The following ZNF804B variants were observed in gnomAD, a reference collection of about 807,000 sequenced individuals.
ZNF804B encodes zinc finger 804B.
Under a neutral mutation model 101.4 loss-of-function variants are expected in ZNF804B, and 80 were observed. That is an observed-to-expected ratio of 0.79 (90% CI 0.66 to 0.95). The LOEUF (loss-of-function observed/expected upper bound fraction) is 0.95. Ranked by LOEUF, ZNF804B falls within the 40% of genes least tolerant of loss-of-function variation. The probability of loss-of-function intolerance (pLI) is 0.00; values close to 1 mark genes in which losing one functional copy is unlikely to be tolerated. For synonymous variants in ZNF804B, 622 were observed against 558.8 expected, an observed-to-expected ratio of 1.11 and a Z score of -1.59; for missense variants, 1,673 against 1,561.9, an observed-to-expected ratio of 1.07 and a Z score of -1.20.
At chr7:89,134,031 TTG>T (rs776184756) in intron 1 of ZNF804B, among the ~76,000 whole-genome samples, 5 of 152,060 alleles carry the variant, frequency 3.3e-5, no homozygotes, top group African/African-American at 4.8e-5. Context: ...ACAGAGAGGA[TTG>T]TTTCAGTGAA....
chr7:89,165,067 C>T (rs555823038), intron 1 of ZNF804B, among the ~76,000 whole-genome samples: 31 of 152,010 alleles, frequency 2.0e-4, no homozygotes, highest in Non-Finnish European at 1.3e-4. Flanking sequence ...AAGGCTGTTG[C>T]GTAGAACTTT....
At chr7:89,154,725 G>T (rs537521841) in intron 1 of ZNF804B, among the ~76,000 whole-genome samples, 2 of 152,158 alleles carry the variant, frequency 1.3e-5, no homozygotes, top group Non-Finnish European at 1.5e-5. Flanking sequence ...GAGAGTAATG[G>T]GGGGCTGGGA....
chr7:89,269,029 T>C (rs1303748915), intron 2 of ZNF804B, among the ~76,000 whole-genome samples: 1 of 152,064 alleles, frequency 6.6e-6, no homozygotes, highest in East Asian at 1.9e-4. Context: ...TATTTTTTGG[T>C]AATAGAAAAA....
chr7:89,126,298 A>C (rs989427682), intron 1 of ZNF804B, among the ~76,000 whole-genome samples: 4 of 151,974 alleles, frequency 2.6e-5, no homozygotes, highest in Admixed American at 2.0e-4. Flanking sequence ...GGTATTTCTC[A>C]AATCTCTCTT....
intron 1 of ZNF804B, among the ~76,000 whole-genome samples, chr7:89,075,226 G>A (rs778580596): frequency 3.3e-5 from 5 of 152,194 alleles, no homozygotes; most frequent in Non-Finnish European, 7.3e-5. Flanking sequence ...CCAAGACAGT[G>A]AAGAAAATGT....
chr7:88,931,815 G>GT (rs944806689), intron 1 of ZNF804B, among the ~76,000 whole-genome samples: 16 of 151,336 alleles, frequency 1.1e-4, no homozygotes, highest in Admixed American at 4.0e-4. Context: ...GTGATTCAAT[G>GT]TTTTTTTTAA....
At chr7:89,145,550 A>G (rs1037828853) in intron 1 of ZNF804B, among the ~76,000 whole-genome samples, 1 of 152,082 alleles carries the variant, frequency 6.6e-6, no homozygotes, top group Admixed American at 6.6e-5. Flanking sequence ...TAATTCAGGT[A>G]TTATTCAATT....
intron 1 of ZNF804B, among the ~76,000 whole-genome samples, chr7:88,879,637 C>T (rs979350668): frequency 3.3e-5 from 5 of 152,246 alleles, no homozygotes; most frequent in Non-Finnish European, 5.9e-5. Flanking sequence ...TAAATTCCAA[C>T]TCACATTAAG....
Position 88,811,497 on chromosome 7 carries a change from C to A in ZNF804B, c.108+51413C>A, listed in dbSNP as rs540854112. On this transcript the variant is annotated intron_variant, in intron 1 of 3. Coordinates refer to ENST00000333190, the MANE Select transcript of ZNF804B (RefSeq NM_181646.5). ...TGTATATACCCAAAGGACTATAAAA[C>A]ATTCTATTATAAAGGTACATGCACA... Among the ~76,000 whole-genome samples, 39 of 152,268 alleles carry A rather than the reference C, an allele frequency of 2.6e-4. No homozygotes were observed. The South Asian group carries it at 4.1e-3, about 16-fold the overall frequency.
At chr7:88,922,373 G>T (rs1008774516) in intron 1 of ZNF804B, among the ~76,000 whole-genome samples, 3 of 151,838 alleles carry the variant, frequency 2.0e-5, no homozygotes, top group Non-Finnish European at 4.4e-5. Context: ...AATTTATTTT[G>T]TGGTCACCAG....
At chr7:89,229,254 G>A (rs984340584) in intron 2 of ZNF804B, among the ~76,000 whole-genome samples, 4 of 152,206 alleles carry the variant, frequency 2.6e-5, no homozygotes, top group African/African-American at 9.6e-5. Flanking sequence ...GAGAGTGAGC[G>A]AGGGCTGTGA....
intron 1 of ZNF804B, among the ~76,000 whole-genome samples, chr7:88,874,718 A>G (rs540658551): frequency 1.8e-4 from 28 of 152,266 alleles, no homozygotes; most frequent in South Asian, 8.3e-4. Context: ...TTCTGCATCT[A>G]TTGAGATAAT....
intron 1 of ZNF804B, among the ~76,000 whole-genome samples, chr7:89,119,959 T>TA (rs1335311264): frequency 1.6e-5 from 2 of 122,236 alleles, no homozygotes; most frequent in East Asian, 5.4e-4. Context: ...CACCTTTTTT[T>TA]ATCTAAATAT....
intron 1 of ZNF804B, among the ~76,000 whole-genome samples, chr7:88,858,396 T>A (rs73705560): frequency 0.014 from 2,164 of 152,270 alleles, 53 homozygotes; most frequent in African/African-American, 0.049. Context: ...GAATATTACT[T>A]GAAGTCAAAG....
intron 1 of ZNF804B, among the ~76,000 whole-genome samples, chr7:88,954,120 G>A (rs1255200205): frequency 6.6e-6 from 1 of 151,624 alleles, no homozygotes. Context: ...CACTCATAAG[G>A]AAAAATAGAT....
chr7:88,971,497 G>A (rs1793537197), intron 1 of ZNF804B, among the ~76,000 whole-genome samples: 2 of 151,558 alleles, frequency 1.3e-5, no homozygotes, highest in African/African-American at 4.8e-5. Flanking sequence ...AAGGAGTACT[G>A]TGGAAGTCAT....
chr7:88,970,855 T>C (rs2116110995), intron 1 of ZNF804B, among the ~76,000 whole-genome samples: 1 of 147,888 alleles, frequency 6.8e-6, no homozygotes, highest in Admixed American at 6.8e-5. Flanking sequence ...CATTAGGAGG[T>C]ATACCTAACG....
At chr7:89,196,753 A>G (rs906536507) in intron 1 of ZNF804B, among the ~76,000 whole-genome samples, 19 of 152,294 alleles carry the variant, frequency 1.2e-4, no homozygotes, top group African/African-American at 4.3e-4. Flanking sequence ...TCCAGCATCT[A>G]CAAGGAACTT....
intron 1 of ZNF804B, among the ~76,000 whole-genome samples, chr7:89,073,259 A>G (rs1019184238): frequency 6.6e-6 from 1 of 152,150 alleles, no homozygotes; most frequent in Non-Finnish European, 1.5e-5. Context: ...TTTTATTAAT[A>G]CAGATTGGAA....
Sources: gnomAD v4.1 joint callset for allele counts (sites outside exome capture counted in the v4.1 genomes callset) on GRCh38, gnomAD v4.1.1 for gene constraint, MANE v1.5 for transcripts, NCBI Gene and HGNC (gene_info 2026-07-23, HGNC 2026-07-21) for gene names.